Variants in IYD observed in about 807,000 individuals in gnomAD.
IYD encodes the protein iodotyrosine deiodinase 1.
A neutral mutation model predicts 28.4 loss-of-function variants in IYD; 25 were observed. The observed-to-expected ratio is 0.88, with a 90% confidence interval of 0.64 to 1.23. IYD has a LOEUF of 1.23. Among genes scored for constraint, IYD ranks in the 50% most tolerant of loss-of-function variants. The pLI is 0.00. For missense variants in IYD, 352 were observed against 357.9 expected (o/e 0.98, Z 0.13); for synonymous variants, 140 against 130.8 (o/e 1.07, Z -0.48).
intron 4 of IYD, chr6:150,395,494 C>A: frequency 6.5e-7 from 1 of 1,537,306 alleles, no homozygotes; most frequent in African/African-American, 1.4e-5. Flanking sequence ...GACTGCGAGG[C>A]ACCGCCACCT....
Position 150,398,305 on chromosome 6 carries a change from C to T in IYD, c.*68C>T, listed in dbSNP as rs1778403166. 6.9e-7 allele frequency: 1 copy of T among 1,453,802 alleles called. No individual in the cohort carries two copies. The highest frequency in any genetic ancestry group is 9.6e-7 in the Non-Finnish European group (1 of 1,038,916). 90.1% of individuals were successfully genotyped at this position (1,453,802 alleles called of 1,614,324 possible). ...TTTTCCCTGAGCCTCTCGCCTGCTC[C>T]TCTTGGGTCTCTTGGCTGCTCTTTC... On this transcript the variant is annotated 3_prime_UTR_variant, in exon 5 of 5. Transcript: ENST00000344419.
At chr6:150,389,196 T>G (rs2115047144) in intron 1 of IYD, among the ~76,000 whole-genome samples, 156 bp from the exon 2 acceptor site, 2 of 152,334 alleles carry the variant, frequency 1.3e-5, no homozygotes, top group East Asian at 1.9e-4. Context: ...TCAAGATCAG[T>G]GGTAAGGATT....
At chr6:150,397,169 T>G (rs999498694) in intron 4 of IYD, among the ~76,000 whole-genome samples, 2 of 152,172 alleles carry the variant, frequency 1.3e-5, no homozygotes, top group African/African-American at 4.8e-5. Flanking sequence ...TGGGTTCATA[T>G]ATATATGGGT....
At chr6:150,385,593 C>T (rs1334389511) in intron 1 of IYD, among the ~76,000 whole-genome samples, 4 of 150,726 alleles carry the variant, frequency 2.7e-5, no homozygotes, top group African/African-American at 9.8e-5. Flanking sequence ...TTGCTGAATT[C>T]TGTTATTAAT....
chr6:150,405,960 C>T lies in IYD; in HGVS notation c.*7723C>T, dbSNP rs982643737. On this transcript the variant is annotated 3_prime_UTR_variant, in exon 5 of 5. Coordinates refer to ENST00000344419, the MANE Select transcript of IYD (RefSeq NM_203395.3). Reference sequence around the variant, plus strand: ...CCTGCTGCTGTGAATAATAACATATCTTGCTCTGACCCAGTAGTCTTGTGT... The same window carrying T: ...CCTGCTGCTGTGAATAATAACATATTTTGCTCTGACCCAGTAGTCTTGTGT... 1 of 152,214 alleles carries T rather than the reference C, an allele frequency of 6.6e-6. No individual in the cohort carries two copies. Among genetic ancestry groups the T allele is most frequent in the African/African-American group, 2.4e-5 (1 of 41,446 alleles). The allele number at this position is 152,214 out of a possible 1,614,324, so 9.4% of individuals were successfully genotyped here.
rs746168650 is a variant in IYD at position 150,389,521 on chromosome 6, T to C, written c.348T>C (p.Ile116=). Reference sequence around the variant, plus strand: ...ATGAGCAAGTCCCAATGGAAGTCATTGATAATGTCATCAGAACGGCAGGTT... The same window carrying C: ...ATGAGCAAGTCCCAATGGAAGTCATCGATAATGTCATCAGAACGGCAGGTT... ...ISNEQVPMEV[I]DNVIRTAGTA... is the part of the protein sequence containing the mutation. The change falls in exon 2 of 5, where the codon ATT becomes ATC. Residue 116 remains isoleucine, a synonymous_variant. Transcript: ENST00000344419. 2 of 1,614,054 alleles carry C rather than the reference T, an allele frequency of 1.2e-6. No individual in the cohort carries two copies. The highest frequency in any genetic ancestry group is 4.5e-5 in the East Asian group (2 of 44,862).
At position 150,404,063 on chromosome 6, in the gene IYD, G is replaced by A. The variant is rs1032916465; in HGVS notation, c.*5826G>A. On this transcript the variant is annotated 3_prime_UTR_variant, in exon 5 of 5. Transcript: ENST00000344419. ...TCCCATAGTAACCACAGCACTCAGG[G>A]CACTGTCTCCCAGCGCTGGAGTACT... 5 of 152,178 alleles carry A rather than the reference G, an allele frequency of 3.3e-5. No homozygotes were observed. Among genetic ancestry groups the A allele is most frequent in the African/African-American group, 1.2e-4 (5 of 41,432 alleles). The allele number at this position is 152,178 out of a possible 1,614,324, so 9.4% of individuals were successfully genotyped here.
intron 4 of IYD, among the ~76,000 whole-genome samples, chr6:150,397,612 G>A (rs751046049): frequency 1.6e-4 from 24 of 149,994 alleles, no homozygotes; most frequent in Non-Finnish European, 2.5e-4. Context: ...ATATTTAGTA[G>A]GAAAATTATG....
chr6:150,370,702 G>A (rs1244280473), intron 1 of IYD: 1 of 978,140 alleles, frequency 1.0e-6, no homozygotes, highest in Non-Finnish European at 1.2e-6. Context: ...CCTGGATGGT[G>A]GGGGCAGGTG....
At chr6:150,386,562 A>C (rs1387206235) in intron 1 of IYD, among the ~76,000 whole-genome samples, 1 of 152,006 alleles carries the variant, frequency 6.6e-6, no homozygotes, top group African/African-American at 2.4e-5. Context: ...CCTTGTTAAA[A>C]TCTTCTGTAT....
intron 3 of IYD, 145 bp downstream of exon 3, chr6:150,392,649 G>C: frequency 1.2e-6 from 1 of 824,712 alleles, no homozygotes; most frequent in Non-Finnish European, 2.0e-6. Context: ...TTAAGTCCGG[G>C]CTCACTCCTG....
intron 3 of IYD, among the ~76,000 whole-genome samples, chr6:150,393,189 TGG>T (rs1778189686): frequency 1.3e-5 from 2 of 152,104 alleles, no homozygotes. Context: ...CCACAGGGGG[TGG>T]GTACACAAGA....
At chr6:150,380,457 A>G (rs895556645) in intron 1 of IYD, among the ~76,000 whole-genome samples, 2 of 152,190 alleles carry the variant, frequency 1.3e-5, no homozygotes, top group Non-Finnish European at 2.9e-5. Flanking sequence ...CTGCTTCTTC[A>G]TGCTTTGTTC....
At chr6:150,386,621 G>A (rs1337529781) in intron 1 of IYD, among the ~76,000 whole-genome samples, 1 of 151,978 alleles carries the variant, frequency 6.6e-6, no homozygotes, top group African/African-American at 2.4e-5. Flanking sequence ...CGAAAGAGAT[G>A]CATTAAGATC....
intron 4 of IYD, 66 bp downstream of exon 4, chr6:150,394,321 A>G: frequency 6.3e-7 from 1 of 1,580,700 alleles, no homozygotes; most frequent in South Asian, 1.1e-5. Flanking sequence ...TTTTCAATTC[A>G]GGGACATTTG....
At chr6:150,375,456 T>G (rs1777412517) in intron 1 of IYD, among the ~76,000 whole-genome samples, 1 of 152,172 alleles carries the variant, frequency 6.6e-6, no homozygotes, top group African/African-American at 2.4e-5. Context: ...AAGTAGTTTT[T>G]AAATAAAAGC....
chr6:150,370,308 AGTGTGTGTGCACGAGTGG>A (rs1562307487), intron 1 of IYD, among the ~76,000 whole-genome samples: 1 of 149,030 alleles, frequency 6.7e-6, no homozygotes, highest in East Asian at 2.0e-4. Flanking sequence ...TGTGTGCATG[AGTGTGTGTGCACGAGTGG>A]GTGAGTGTGC....
intron 4 of IYD, chr6:150,395,690 G>T: frequency 1.2e-6 from 1 of 809,070 alleles, no homozygotes; most frequent in Non-Finnish European, 2.1e-6. Context: ...TCTCCATGAA[G>T]CCCGCATCTC....
At chr6:150,392,543 C>T (rs1359533375) in intron 3 of IYD, 39 bp downstream of exon 3, 6 of 1,607,528 alleles carry the variant, frequency 3.7e-6, no homozygotes, top group Non-Finnish European at 4.3e-6. Flanking sequence ...TTGCCTTGGC[C>T]TCTTAAAATA....
Sources: gnomAD v4.1 joint callset for allele counts (sites outside exome capture counted in the v4.1 genomes callset) on GRCh38, gnomAD v4.1.1 for gene constraint, MANE v1.5 for transcripts, NCBI Gene and HGNC (gene_info 2026-07-23, HGNC 2026-07-21) for gene names.